Variants in GPHN observed in about 807,000 individuals in gnomAD.
GPHN encodes gephyrin.
Under a neutral mutation model 95.5 loss-of-function variants are expected in GPHN, and 17 were observed. That is an observed-to-expected ratio of 0.18 (90% CI 0.12 to 0.27). GPHN has a LOEUF of 0.27. Ranked by LOEUF, GPHN falls within the 10% of genes least tolerant of loss-of-function variation. GPHN has a pLI of 1.00. For synonymous variants in GPHN, 320 were observed against 322.5 expected (o/e 0.99, Z 0.08); for missense variants, 660 against 978.1 (o/e 0.67, Z 4.34).
At chr14:66,550,323 T>C (rs1422653129) in intron 1 of GPHN, among the ~76,000 whole-genome samples, 2 of 152,170 alleles carry the variant, frequency 1.3e-5, no homozygotes, top group African/African-American at 4.8e-5. Context: ...ACTTCACTGA[T>C]GGATGTGGTG....
At chr14:66,584,022 G>A (rs1680425299) in intron 1 of GPHN, among the ~76,000 whole-genome samples, 2 of 152,144 alleles carry the variant, frequency 1.3e-5, no homozygotes. Context: ...CCATGAGCAT[G>A]GAATGTTCTT....
the GPHN span, chr14:67,593,490 CA>C: frequency 0.66 from 218,017 of 330,262 alleles, 57,244 homozygotes; most frequent in African/African-American, 0.88. Flanking sequence ...GACCCTGTCT[CA>C]AAAAAAAAAA....
At chr14:66,661,290 A>G (rs1415102485) in intron 1 of GPHN, among the ~76,000 whole-genome samples, 2 of 152,174 alleles carry the variant, frequency 1.3e-5, no homozygotes, top group Non-Finnish European at 2.9e-5. Flanking sequence ...GGGGCAGACT[A>G]CCATCTTTGC....
At chr14:66,733,575 TC>T (rs1401227914) in intron 2 of GPHN, among the ~76,000 whole-genome samples, 1 of 152,194 alleles carries the variant, frequency 6.6e-6, no homozygotes, top group Non-Finnish European at 1.5e-5. Context: ...TTGCTATAGA[TC>T]TACTGATTAT....
intron 1 of GPHN, among the ~76,000 whole-genome samples, chr14:66,586,711 T>G (rs975659645): frequency 6.6e-6 from 1 of 152,230 alleles, no homozygotes; most frequent in Non-Finnish European, 1.5e-5. Flanking sequence ...TATTGAATAT[T>G]GGCCCCCACT....
At chr14:67,278,292 T>TCCC in the GPHN span, among the ~76,000 whole-genome samples, 2 of 151,628 alleles carry the variant, frequency 1.3e-5, no homozygotes, top group Non-Finnish European at 2.9e-5. Context: ...TTCCTTGGCC[T>TCCC]CCCAAAGTGC....
intron 9 of GPHN, among the ~76,000 whole-genome samples, chr14:66,992,372 G>A (rs187232593): frequency 0.012 from 1,834 of 152,190 alleles, 19 homozygotes; most frequent in Non-Finnish European, 0.018. Flanking sequence ...TATTTAAAGT[G>A]AAAAAAGTCA....
the GPHN span, among the ~76,000 whole-genome samples, chr14:67,325,211 C>A: frequency 6.6e-6 from 1 of 152,130 alleles, no homozygotes; most frequent in South Asian, 2.1e-4. Flanking sequence ...AGCCTCCTTT[C>A]ATTCTTGACT....
At chr14:66,917,592 C>T (rs561684967) in intron 6 of GPHN, among the ~76,000 whole-genome samples, 5 of 152,182 alleles carry the variant, frequency 3.3e-5, no homozygotes, top group East Asian at 1.9e-4. Flanking sequence ...TTCAGATTGC[C>T]GTTGGTAATA....
intron 8 of GPHN, among the ~76,000 whole-genome samples, chr14:66,944,008 A>AC (rs1376005069): frequency 6.6e-6 from 1 of 152,232 alleles, no homozygotes; most frequent in Non-Finnish European, 1.5e-5. Flanking sequence ...GGCAAGACAA[A>AC]CGGAGAAAAA....
At chr14:67,331,269 T>C in the GPHN span, among the ~76,000 whole-genome samples, 4 of 152,182 alleles carry the variant, frequency 2.6e-5, no homozygotes, top group African/African-American at 7.2e-5. Context: ...GGTCTCAAGC[T>C]CCCGGCCCCA....
intron 1 of GPHN, among the ~76,000 whole-genome samples, chr14:66,659,376 G>A (rs1436692282): frequency 6.6e-6 from 1 of 151,824 alleles, no homozygotes; most frequent in African/African-American, 2.4e-5. Flanking sequence ...GGTCTATATT[G>A]AAATAAGTTC....
chr14:67,023,260 T>C (rs867470758), intron 9 of GPHN, among the ~76,000 whole-genome samples: 14 of 152,122 alleles, frequency 9.2e-5, no homozygotes, highest in Admixed American at 4.6e-4. Context: ...ACTTGAATTT[T>C]ATTATTATTC....
chr14:67,047,244 C>T (rs996898878), intron 10 of GPHN, among the ~76,000 whole-genome samples: 2 of 151,744 alleles, frequency 1.3e-5, no homozygotes, highest in Admixed American at 6.6e-5. Context: ...CAAGAAGGAC[C>T]TGCATGAACA....
At chr14:67,215,178 TCTC>T in the GPHN span, among the ~76,000 whole-genome samples, 2 of 152,132 alleles carry the variant, frequency 1.3e-5, no homozygotes, top group African/African-American at 4.8e-5. Flanking sequence ...CATAATGGCT[TCTC>T]CTGAAGCCCT....
At chr14:66,801,400 C>G in intron 3 of GPHN, among the ~76,000 whole-genome samples, 1 of 152,156 alleles carries the variant, frequency 6.6e-6, no homozygotes, top group East Asian at 1.9e-4. Flanking sequence ...GCGGGCATCC[C>G]AAGCCCAGTA....
the GPHN span, among the ~76,000 whole-genome samples, chr14:67,458,229 C>T: frequency 2.6e-5 from 4 of 152,072 alleles, no homozygotes; most frequent in East Asian, 7.7e-4. Context: ...GCTGAGACTG[C>T]CCTATGGAAG....
At chr14:66,916,112 T>C (rs2153558105) in intron 6 of GPHN, 43 bp downstream of exon 6, 1 of 1,307,282 alleles carries the variant, frequency 7.6e-7, no homozygotes. Flanking sequence ...TAAGAGCTTT[T>C]GACCAGCCGT....
intron 1 of GPHN, among the ~76,000 whole-genome samples, chr14:66,574,946 TAG>T (rs1266417607): frequency 6.6e-6 from 1 of 152,210 alleles, no homozygotes; most frequent in East Asian, 1.9e-4. Flanking sequence ...GTTACCAGCA[TAG>T]AGTCTGTAGC....
Sources: allele counts gnomAD v4.1 joint callset (sites outside exome capture counted in the v4.1 genomes callset), GRCh38; gene constraint gnomAD v4.1.1; transcripts MANE v1.5; gene names NCBI Gene and HGNC (gene_info 2026-07-23, HGNC 2026-07-21).